CIDEA: variants seen among roughly 807,000 people sequenced by gnomAD.
CIDEA encodes the protein lipid transferase CIDEA.
A neutral mutation model predicts 18.2 loss-of-function variants in CIDEA; 10 were observed. That is an observed-to-expected ratio of 0.55 (90% CI 0.34 to 0.93). The LOEUF is 0.93. Among genes scored for constraint, CIDEA ranks in the 40% least tolerant of loss-of-function variants. The probability of loss-of-function intolerance (pLI) is 0.02; values close to 1 mark genes in which losing one functional copy is unlikely to be tolerated. For missense variants in CIDEA, 309 were observed against 293.1 expected (o/e 1.05, Z -0.40); for synonymous variants, 128 against 124.8 (o/e 1.03, Z -0.17).
intron 4 of CIDEA, among the ~76,000 whole-genome samples, chr18:12,276,782 G>A (rs913979996): frequency 3.3e-5 from 5 of 152,186 alleles, no homozygotes; most frequent in African/African-American, 7.2e-5. Context: ...GTGCGGGTGC[G>A]GCCATCTGCT....
chr18:12,277,094 T>C (rs142524464), intron 4 of CIDEA, 29 bp from the exon 5 acceptor site: 1 of 1,611,908 alleles, frequency 6.2e-7, no homozygotes, highest in Non-Finnish European at 8.5e-7. Context: ...AATCCCAAGC[T>C]AAAGCCTCCC....
rs45493902 is a variant in CIDEA at position 12,274,372 on chromosome 18, G to T, written c.512+98G>T. The T allele has an allele frequency of 6.0e-3, 6,958 of 1,165,740 alleles. 42 individuals are homozygous for T. The highest frequency in any genetic ancestry group is 0.029 in the Middle Eastern group (133 of 4,642). The allele number at this position is 1,165,740 out of a possible 1,614,324, so 72.2% of individuals were successfully genotyped here. A position where few individuals can be genotyped will look rare whatever the true frequency, so the allele number is the denominator to read the frequency against. ...CCTGTTCCTCTGGGCTCCCAGGCCG[G>T]CTAGCACTGTTAGGGGCAGTTGGAG... On this transcript the variant is annotated intron_variant, in intron 4 of 4. Coordinates refer to ENST00000320477, the MANE Select transcript of CIDEA (RefSeq NM_001279.4).
chr18:12,267,583 T>C (rs1912386752), intron 3 of CIDEA, among the ~76,000 whole-genome samples: 2 of 152,186 alleles, frequency 1.3e-5, no homozygotes, highest in Non-Finnish European at 2.9e-5. Context: ...AACCTCTGCC[T>C]CCCTGGCTCA....
intron 4 of CIDEA, among the ~76,000 whole-genome samples, chr18:12,275,794 G>A (rs1186215929): frequency 6.6e-6 from 1 of 152,066 alleles, no homozygotes; most frequent in Non-Finnish European, 1.5e-5. Context: ...TACAGTCACT[G>A]TCATAGTGTT....
intron 1 of CIDEA, among the ~76,000 whole-genome samples, chr18:12,257,371 C>T (rs1912067155): frequency 6.6e-6 from 1 of 152,224 alleles, no homozygotes. Flanking sequence ...TCACCCATGA[C>T]ACCAAAATAT....
chr18:12,277,236 G>T lies in CIDEA; in HGVS notation c.626G>T (p.Arg209Leu), dbSNP rs146146065. 1.9e-6 allele frequency: 3 copies of T among 1,614,076 alleles called. No individual in the cohort carries two copies. The highest frequency in any genetic ancestry group is 2.5e-6 in the Non-Finnish European group (3 of 1,180,014). Residue 209 changes from arginine to leucine, a missense_variant, in exon 5 of 5, where the codon CGG (arginine) becomes CTG (leucine). Arg to Leu is a moderately radical substitution (Grantham distance 102, BLOSUM62 -2). Transcript: ENST00000320477. ...LDDKEERPSL[R>L]SQAKGRFTCG ...GACAAGGAAGAGCGGCCATCCCTCC[G>T]GTCACAAGCCAAGGGCAGGTTCACG...
Position 12,256,946 on chromosome 18 carries a change from G to C in CIDEA, c.38+2525G>C, listed in dbSNP as rs189119936. ...TCCTTGTCGGGGCGAGTTTATCTGG[G>C]GGGTAGGTGTGCTCCCACCTGCATA... On this transcript the variant is annotated intron_variant, in intron 1 of 4. Coordinates refer to ENST00000320477, the MANE Select transcript of CIDEA (RefSeq NM_001279.4). 5.5e-4 allele frequency among the ~76,000 whole-genome samples: 84 copies of C among 152,306 alleles called. 1 individual carries two copies. In the East Asian group the frequency reaches 0.013, roughly 24 times the overall value.
intron 1 of CIDEA, among the ~76,000 whole-genome samples, chr18:12,258,801 C>T (rs1177895239): frequency 1.3e-5 from 2 of 152,222 alleles, no homozygotes; most frequent in Non-Finnish European, 2.9e-5. Context: ...CTCTCACACA[C>T]GAGGGTTTGG....
At chr18:12,258,575 G>C (rs965337981) in intron 1 of CIDEA, among the ~76,000 whole-genome samples, 1 of 152,222 alleles carries the variant, frequency 6.6e-6, no homozygotes, top group Admixed American at 6.5e-5. Context: ...TCCTGCCTTG[G>C]GGGCGAAGAG....
At chr18:12,261,271 C>G (rs1421468347) in intron 1 of CIDEA, among the ~76,000 whole-genome samples, 2 of 152,144 alleles carry the variant, frequency 1.3e-5, no homozygotes, top group Non-Finnish European at 2.9e-5. Context: ...GCAATCCCAG[C>G]TACTCAGGAG....
intron 4 of CIDEA, among the ~76,000 whole-genome samples, chr18:12,276,290 G>A (rs1333489207): frequency 6.6e-6 from 1 of 151,640 alleles, no homozygotes; most frequent in Non-Finnish European, 1.5e-5. Context: ...CACATTCCAG[G>A]CCCTTTTTCT....
chr18:12,262,903 C>T lies in CIDEA; in HGVS notation c.117C>T (p.Val39=). The T allele has an allele frequency of 6.2e-7, 1 of 1,614,208 alleles. No homozygotes were observed. The highest frequency in any genetic ancestry group is 1.3e-5 in the African/African-American group (1 of 75,062). ...PLMHPARPFR[V]SNHDRSSRRG... is the part of the protein sequence containing the mutation. ...TGCATCCAGCTCGCCCTTTCCGGGT[C>T]TCCAACCATGACAGGAGCAGCCGGC... is the stretch of plus-strand genomic sequence containing the variant. The change falls in exon 2 of 5, where the codon GTC becomes GTT. Residue 39 remains valine (V), a synonymous_variant. Transcript: ENST00000320477.
At chr18:12,273,969 C>A in intron 3 of CIDEA, 124 bp from the exon 4 acceptor site, 1 of 992,282 alleles carries the variant, frequency 1.0e-6, no homozygotes, top group Non-Finnish European at 1.5e-6. Context: ...ATCGATTAGC[C>A]ACGGAGCCGC....
chr18:12,254,560 G>A, intron 1 of CIDEA, 139 bp downstream of exon 1: 1 of 785,680 alleles, frequency 1.3e-6, no homozygotes, highest in South Asian at 2.2e-5. Flanking sequence ...TGCGCTCCGC[G>A]ACCCCGCGCA....
chr18:12,261,325 G>T (rs8099155), intron 1 of CIDEA, among the ~76,000 whole-genome samples: 9 of 151,760 alleles, frequency 5.9e-5, no homozygotes, highest in African/African-American at 2.2e-4. Context: ...CGGAAGAATC[G>T]CTTGAACCAT....
At chr18:12,261,090 G>A (rs1043764434) in intron 1 of CIDEA, among the ~76,000 whole-genome samples, 4 of 152,174 alleles carry the variant, frequency 2.6e-5, no homozygotes, top group African/African-American at 9.7e-5. Context: ...ATTTCTGAAT[G>A]TAAAAAAGTC....
At chr18:12,271,368 G>A (rs1429464196) in intron 3 of CIDEA, among the ~76,000 whole-genome samples, 1 of 152,228 alleles carries the variant, frequency 6.6e-6, no homozygotes, top group African/African-American at 2.4e-5. Flanking sequence ...CAGAGGAGGA[G>A]GAGAGATGTG....
rs544504359 is a variant in CIDEA at position 12,276,242 on chromosome 18, C to A, written c.513-881C>A. 2.0e-5 allele frequency among the ~76,000 whole-genome samples: 3 copies of A among 152,010 alleles called. No homozygotes were observed. In the South Asian group the frequency reaches 6.2e-4, roughly 32 times the overall value. On this transcript the variant is annotated intron_variant, in intron 4 of 4. Coordinates refer to ENST00000320477, the MANE Select transcript of CIDEA (RefSeq NM_001279.4). ...CTACTGGCCTCAGGTGATCCACCCA[C>A]CTCGGTCTCCAAAAGTGCTGGGATT...
intron 3 of CIDEA, among the ~76,000 whole-genome samples, chr18:12,267,473 A>C (rs1190433149): frequency 1.3e-5 from 2 of 152,254 alleles, no homozygotes; most frequent in African/African-American, 2.4e-5. Context: ...AGGATAATAC[A>C]GTAAACAACG....
Sources: gnomAD v4.1 joint callset for allele counts (sites outside exome capture counted in the v4.1 genomes callset) on GRCh38, gnomAD v4.1.1 for gene constraint, MANE v1.5 for transcripts, NCBI Gene and HGNC (gene_info 2026-07-23, HGNC 2026-07-21) for gene names.